GLRB: variants seen among roughly 807,000 people sequenced by gnomAD.
GLRB encodes glycine receptor subunit beta.
In GLRB, 33 loss-of-function variants were observed where a neutral mutation model predicts 54.2. The observed-to-expected ratio is 0.61, with a 90% CI of 0.46 to 0.81. The LOEUF (loss-of-function observed/expected upper bound fraction) is 0.81, where lower values mean the gene tolerates loss of function less well. Ranked by LOEUF, GLRB falls within the 40% of genes least tolerant of loss-of-function variation. The pLI, the probability that GLRB is intolerant of heterozygous loss-of-function variation, is 0.00. For missense variants in GLRB, 572 were observed against 584.6 expected (o/e 0.98, Z 0.22); for synonymous variants, 209 against 208.2 (o/e 1.00, Z -0.03).
intron 2 of GLRB, among the ~76,000 whole-genome samples, chr4:157,114,524 A>G (rs2126515120): frequency 6.6e-6 from 1 of 151,920 alleles, no homozygotes; most frequent in Middle Eastern, 3.4e-3. Context: ...ATAGAATATT[A>G]ATAAGTCAAG....
At chr4:157,131,182 A>G (rs1477222157) in intron 4 of GLRB, among the ~76,000 whole-genome samples, 1 of 151,736 alleles carries the variant, frequency 6.6e-6, no homozygotes, top group African/African-American at 2.4e-5. Context: ...CTTGTTAGAC[A>G]TTGTTTTAGT....
chr4:157,078,581 C>G (rs1170258091), intron 2 of GLRB, among the ~76,000 whole-genome samples: 1 of 151,650 alleles, frequency 6.6e-6, no homozygotes, highest in Non-Finnish European at 1.5e-5. Flanking sequence ...ATCTTAAGGT[C>G]AGTTCATATG....
At chr4:157,127,222 G>A (rs939217435) in intron 4 of GLRB, among the ~76,000 whole-genome samples, 2 of 151,510 alleles carry the variant, frequency 1.3e-5, no homozygotes, top group Non-Finnish European at 2.9e-5. Flanking sequence ...TTTTGTTTTT[G>A]TTGTTAATTT....
chr4:157,104,634 C>A (rs935969915), intron 2 of GLRB, among the ~76,000 whole-genome samples: 1 of 151,696 alleles, frequency 6.6e-6, no homozygotes, highest in African/African-American at 2.4e-5. Flanking sequence ...GAAGGACTGG[C>A]TTTTATTCTT....
chr4:157,159,978 T>C (rs1737407953), intron 9 of GLRB, among the ~76,000 whole-genome samples: 2 of 152,200 alleles, frequency 1.3e-5, no homozygotes, highest in Admixed American at 1.3e-4. Context: ...TTTTTTTGGT[T>C]GGTAGGCTAT....
At chr4:157,148,216 T>C (rs1560969641) in intron 8 of GLRB, among the ~76,000 whole-genome samples, 2 of 152,220 alleles carry the variant, frequency 1.3e-5, no homozygotes, top group African/African-American at 4.8e-5. Context: ...GCTGTAGTAG[T>C]AATGTTCCAT....
At chr4:157,102,651 T>TA (rs999716415) in intron 2 of GLRB, among the ~76,000 whole-genome samples, 1 of 151,832 alleles carries the variant, frequency 6.6e-6, no homozygotes, top group Non-Finnish European at 1.5e-5. Context: ...GCCTCCAGCT[T>TA]AAAAAAAATA....
chr4:157,098,617 T>G (rs950070248), intron 2 of GLRB, among the ~76,000 whole-genome samples: 1 of 143,010 alleles, frequency 7.0e-6, no homozygotes, highest in African/African-American at 2.5e-5. Flanking sequence ...TTTTCTTTTC[T>G]TTTTTTTTGA....
intron 2 of GLRB, among the ~76,000 whole-genome samples, chr4:157,090,728 T>C (rs188623916): frequency 6.6e-6 from 1 of 152,310 alleles, no homozygotes; most frequent in East Asian, 1.9e-4. Flanking sequence ...ATTTGGAAAA[T>C]ACTGATTCTC....
At chr4:157,113,958 A>T (rs775128632) in intron 2 of GLRB, among the ~76,000 whole-genome samples, 1 of 151,986 alleles carries the variant, frequency 6.6e-6, no homozygotes, top group Non-Finnish European at 1.5e-5. Context: ...GTGATAGTAA[A>T]TTATAGGATA....
chr4:157,137,337 AT>A (rs746367413), intron 6 of GLRB, among the ~76,000 whole-genome samples: 1 of 152,076 alleles, frequency 6.6e-6, no homozygotes, highest in Non-Finnish European at 1.5e-5. Context: ...ACAAAATTGT[AT>A]TTTTTATGTT....
chr4:157,076,499 G>A (rs571082614), intron 1 of GLRB: 2 of 151,210 alleles, frequency 1.3e-5, no homozygotes, highest in South Asian at 2.1e-4. Flanking sequence ...GCGGCAGCCG[G>A]GTCCCCGCTG....
At chr4:157,080,136 C>T (rs180734071) in intron 2 of GLRB, among the ~76,000 whole-genome samples, 21 of 152,130 alleles carry the variant, frequency 1.4e-4, no homozygotes, top group African/African-American at 3.4e-4. Context: ...TATATACTTA[C>T]GGTGTGTATA....
At chr4:157,169,837 A>T (rs17035820) in intron 9 of GLRB, among the ~76,000 whole-genome samples, 39,455 of 151,976 alleles carry the variant, frequency 0.26, 7,082 homozygotes, top group African/African-American at 0.52. Flanking sequence ...TCTGAGCGTG[A>T]TTGGTTAAGT....
At chr4:157,122,130 T>C (rs1735846893) in intron 3 of GLRB, among the ~76,000 whole-genome samples, 200 bp from the exon 4 acceptor site, 1 of 151,040 alleles carries the variant, frequency 6.6e-6, no homozygotes, top group African/African-American at 2.4e-5. Flanking sequence ...TCGAACTCAT[T>C]GCTTTATTTG....
At chr4:157,110,577 A>C (rs573900805) in intron 2 of GLRB, among the ~76,000 whole-genome samples, 2 of 152,058 alleles carry the variant, frequency 1.3e-5, no homozygotes, top group South Asian at 4.2e-4. Flanking sequence ...TAAAGATATG[A>C]CTGTTTGTTT....
chr4:157,077,908 G>C, intron 1 of GLRB, 88 bp from the exon 2 acceptor site: 1 of 781,900 alleles, frequency 1.3e-6, no homozygotes, highest in Non-Finnish European at 2.1e-6. Context: ...TTGCCCTTTG[G>C]GTAGTAATGC....
At chr4:157,167,260 T>A (rs151089363) in intron 9 of GLRB, among the ~76,000 whole-genome samples, 1 of 152,294 alleles carries the variant, frequency 6.6e-6, no homozygotes, top group Non-Finnish European at 1.5e-5. Flanking sequence ...CTGAAAGTCT[T>A]AGGGCAATGC....
intron 9 of GLRB, among the ~76,000 whole-genome samples, chr4:157,159,012 A>G (rs1262644557): frequency 2.0e-5 from 3 of 152,290 alleles, no homozygotes; most frequent in Non-Finnish European, 2.9e-5. Context: ...TTCGTTGAGC[A>G]GTAGTTCGTA....
Sources: allele counts gnomAD v4.1 joint callset (sites outside exome capture counted in the v4.1 genomes callset), GRCh38; gene constraint gnomAD v4.1.1; transcripts MANE v1.5; gene names NCBI Gene and HGNC (gene_info 2026-07-23, HGNC 2026-07-21).